The following EML2 variants were observed in gnomAD, a reference collection of about 807,000 sequenced individuals.
EML2 encodes the protein echinoderm microtubule-associated protein-like 2.
Under a neutral mutation model 84.7 loss-of-function variants are expected in EML2, and 59 were observed. The ratio of observed to expected loss-of-function variants is 0.70; its 90% CI spans 0.56 to 0.86. EML2 has a LOEUF of 0.86. Among genes scored for constraint, EML2 ranks in the 40% least tolerant of loss-of-function variants. The pLI is 0.00. For missense variants in EML2, 818 were observed against 855.6 expected, an observed-to-expected ratio of 0.96 and a Z score of 0.55; for synonymous variants, 352 against 348.9, an observed-to-expected ratio of 1.01 and a Z score of -0.10.
Position 45,626,752 on chromosome 19 carries a change from A to G in EML2, c.694T>C (p.Trp232Arg). Residue 232 changes from tryptophan (W) to arginine (R), a missense_variant, in exon 8 of 19, where the codon TGG becomes CGG. Physicochemically the swap from Trp to Arg is moderately radical, Grantham distance 101. Coordinates refer to ENST00000245925, the MANE Select transcript of EML2 (RefSeq NM_012155.4). ...CTCAAGCTGCCCCCCTCCAAGGTCC[A>G]GAAGTAGATGTGAGATTTCCCGCAG... ...ITCGKSHIYF[W>R]TLEGGSLSKR... The G allele has an allele frequency of 2.5e-6, 4 of 1,613,886 alleles. No individual in the cohort carries two copies. The highest frequency in any genetic ancestry group is 3.4e-6 in the Non-Finnish European group (4 of 1,179,944).
At chr19:45,612,945 T>G (rs1166797921) in intron 18 of EML2, among the ~76,000 whole-genome samples, 1 of 152,066 alleles carries the variant, frequency 6.6e-6, no homozygotes, top group African/African-American at 2.4e-5. Flanking sequence ...TCGCCCAGGC[T>G]AGAGTACAGT....
chr19:45,625,772 A>G (rs2122700942), intron 8 of EML2, among the ~76,000 whole-genome samples: 1 of 152,130 alleles, frequency 6.6e-6, no homozygotes, highest in Admixed American at 6.5e-5. Context: ...GTGTCTTCCC[A>G]CCCTCTGCTT....
chr19:45,616,895 A>G (rs1272323869), intron 13 of EML2, 42 bp from the exon 14 acceptor site: 2 of 1,482,748 alleles, frequency 1.3e-6, no homozygotes, highest in Admixed American at 3.5e-5. Context: ...GGGTGAGCTG[A>G]TCTGACAGAG....
intron 15 of EML2, 129 bp downstream of exon 15, chr19:45,616,332 G>A: frequency 1.5e-6 from 1 of 681,594 alleles, no homozygotes; most frequent in East Asian, 2.7e-5. Context: ...ACGTGGCCAA[G>A]ACTCCTTGCT....
chr19:45,619,095 C>G lies in EML2; in HGVS notation c.1219G>C (p.Asp407His), dbSNP rs760797571. Residue 407 changes from aspartate (D) to histidine (H), a missense_variant, in exon 12 of 19, where the codon GAT becomes CAT. By Grantham distance (81) the Asp-to-His change is moderately conservative. Coordinates refer to ENST00000245925, the MANE Select transcript of EML2 (RefSeq NM_012155.4). ...QDKLVHLWSSDSHQPLWSRII... is the reference protein window; with the variant it reads ...QDKLVHLWSSHSHQPLWSRII... ...CTGCTCCACAGGGGCTGGTGGGAAT[C>G]TGAGCTCCATAGATGCACCAGCTTA... 1.1e-5 allele frequency: 18 copies of G among 1,613,450 alleles called. No homozygotes were observed. Among genetic ancestry groups the G allele is most frequent in the Non-Finnish European group, 1.5e-5 (18 of 1,179,770 alleles).
intron 7 of EML2, 97 bp from the exon 8 acceptor site, chr19:45,626,936 T>G: frequency 8.5e-7 from 1 of 1,169,724 alleles, no homozygotes; most frequent in East Asian, 2.8e-5. Context: ...CTGTTTGTGT[T>G]GTATGCTGCA....
chr19:45,614,690 A>G lies in EML2; in HGVS notation c.1608T>C (p.Ala536=), dbSNP rs780672327. The change falls in exon 17 of 19, where the codon GCT becomes GCC. Residue 536 remains alanine, a synonymous_variant. Transcript: ENST00000245925. The part of the protein sequence containing the change: ...GDYEILYWDP[A]TCKQITSADA... The stretch of plus-strand genomic sequence containing the variant: ...CCGCACTGGTGATCTGCTTACAGGT[A>G]GCCGGGTCCCCTGGGGCAGAAAATG... 6.2e-7 allele frequency: 1 copy of G among 1,613,930 alleles called. No individual in the cohort carries two copies. Among genetic ancestry groups the G allele is most frequent in the South Asian group, 1.1e-5 (1 of 91,084 alleles).
intron 7 of EML2, among the ~76,000 whole-genome samples, chr19:45,627,201 C>T (rs1183352696): frequency 1.3e-5 from 2 of 152,028 alleles, no homozygotes; most frequent in African/African-American, 4.8e-5. Context: ...TCGTGATCCA[C>T]CCGCCTCAGC....
At chr19:45,618,920 C>G in intron 12 of EML2, 140 bp downstream of exon 12, 1 of 989,170 alleles carries the variant, frequency 1.0e-6, no homozygotes, top group South Asian at 2.4e-5. Flanking sequence ...GCCCTCCAGC[C>G]TGGGTGACAG....
At chr19:45,616,220 T>C (rs1302333342) in intron 15 of EML2, 6 of 503,718 alleles carry the variant, frequency 1.2e-5, no homozygotes, top group Admixed American at 6.8e-5. Flanking sequence ...TGAGGGGCGG[T>C]CTCGGAACGT....
chr19:45,639,422 G>A (rs982097175), upstream of EML2: 2 of 1,248,038 alleles, frequency 1.6e-6, no homozygotes, highest in Middle Eastern at 3.0e-4. Context: ...AGCCGGGACC[G>A]GCTCTGCCGC....
chr19:45,636,413 G>GT (rs979349280), intron 3 of EML2, among the ~76,000 whole-genome samples: 64 of 152,144 alleles, frequency 4.2e-4, no homozygotes, highest in Admixed American at 6.5e-4. Context: ...AGATTGGGCT[G>GT]TTTTTTTTGT....
At chr19:45,615,756 C>G (rs754702231) in intron 16 of EML2, 46 bp downstream of exon 16, 24 of 1,530,992 alleles carry the variant, frequency 1.6e-5, no homozygotes, top group Non-Finnish European at 2.2e-5. Context: ...GGGAAGTCTG[C>G]AAATGAGACG....
At chr19:45,643,441 CAGATTTGGCTCT>C, upstream of EML2, 2 of 1,070,008 alleles carry the variant, frequency 1.9e-6, no homozygotes, top group South Asian at 1.4e-5. Flanking sequence ...CCCCGCGCCC[CAGATTTGGCTCT>C]CCAGCCTATG....
intron 10 of EML2, 53 bp from the exon 11 acceptor site, chr19:45,621,385 G>A: frequency 1.3e-6 from 2 of 1,575,484 alleles, no homozygotes; most frequent in Non-Finnish European, 1.7e-6. Flanking sequence ...GGTGGGTGTG[G>A]GGTGACATAC....
In EML2 at chr19:45,626,827, C is replaced by A. The variant is rs768362631; in HGVS notation, c.619G>T (p.Ala207Ser). ...KVVDVKCSNE[A>S]VLVATFHPTD... ...GGGTGGAAGGTGGCCACCAATACAGCCTCATTGGAGCACTTTGGGGGGTGG... is the reference window on the plus strand; with the variant it reads ...GGGTGGAAGGTGGCCACCAATACAGACTCATTGGAGCACTTTGGGGGGTGG... Residue 207 changes from alanine (A) to serine (S), a missense_variant, in exon 8 of 19, where the codon GCT (alanine) becomes TCT (serine). Transcript: ENST00000245925. 33 of 1,613,166 alleles carry A rather than the reference C, an allele frequency of 2.0e-5. No homozygotes were observed. Among genetic ancestry groups the A allele is most frequent in the African/African-American group, 2.7e-5 (2 of 74,886 alleles).
upstream of EML2, chr19:45,639,515 G>A: frequency 3.4e-6 from 3 of 869,998 alleles, no homozygotes; most frequent in Non-Finnish European, 4.6e-6. Context: ...GTCCCACCGG[G>A]TCACACATCC....
At chr19:45,644,404 T>G (rs1290244928), upstream of EML2, among the ~76,000 whole-genome samples, 1 of 152,124 alleles carries the variant, frequency 6.6e-6, no homozygotes, top group Non-Finnish European at 1.5e-5. Context: ...ATAAGCATTC[T>G]GGGTCCCCTG....
upstream of EML2, chr19:45,645,462 T>G: frequency 7.1e-7 from 1 of 1,407,576 alleles, no homozygotes; most frequent in Non-Finnish European, 9.2e-7. Flanking sequence ...TCAGCTCGCC[T>G]GGCATCAGGC....
Sources: allele counts gnomAD v4.1 joint callset (sites outside exome capture counted in the v4.1 genomes callset), GRCh38; gene constraint gnomAD v4.1.1; transcripts MANE v1.5; gene names NCBI Gene and HGNC (gene_info 2026-07-23, HGNC 2026-07-21).